FHIT: variants seen among roughly 807,000 people sequenced by gnomAD.
FHIT encodes bis(5'-adenosyl)-triphosphatase.
Under a neutral mutation model 17.9 loss-of-function variants are expected in FHIT, and 19 were observed. That is an observed-to-expected ratio of 1.06 (90% CI 0.74 to 1.56). The LOEUF (loss-of-function observed/expected upper bound fraction) is 1.56, where lower values mean the gene tolerates loss of function less well. FHIT is among the 40% of genes most tolerant of loss of function. The probability of loss-of-function intolerance (pLI) is 0.00; values close to 1 mark genes in which losing one functional copy is unlikely to be tolerated. For missense variants in FHIT, 248 were observed against 189.2 expected (o/e 1.31, Z -1.82); for synonymous variants, 81 against 69.7 (o/e 1.16, Z -0.81).
At chr3:60,770,977 C>A (rs1296626135) in intron 4 of FHIT, among the ~76,000 whole-genome samples, 1 of 152,200 alleles carries the variant, frequency 6.6e-6, no homozygotes, top group Non-Finnish European at 1.5e-5. Flanking sequence ...CATTCACAAC[C>A]TAACAGTTCT....
intron 5 of FHIT, among the ~76,000 whole-genome samples, chr3:60,197,916 T>G (rs1702719139): frequency 6.6e-6 from 1 of 152,100 alleles, no homozygotes; most frequent in Admixed American, 6.6e-5. Context: ...GACCACATTG[T>G]TGGAGGAAGA....
chr3:60,734,699 C>A (rs536352822), intron 4 of FHIT, among the ~76,000 whole-genome samples: 1 of 152,186 alleles, frequency 6.6e-6, no homozygotes, highest in South Asian at 2.1e-4. Context: ...TAGATAACTT[C>A]GAATGGGAAA....
chr3:59,799,667 C>A (rs2629891), intron 8 of FHIT, among the ~76,000 whole-genome samples: 1 of 151,748 alleles, frequency 6.6e-6, no homozygotes, highest in Non-Finnish European at 1.5e-5. Context: ...GAGAAGAGAC[C>A]CTTTCTTCCA....
At chr3:60,727,054 C>A (rs538997347) in intron 4 of FHIT, among the ~76,000 whole-genome samples, 1 of 152,254 alleles carries the variant, frequency 6.6e-6, no homozygotes, top group South Asian at 2.1e-4. Context: ...TGCATTTCCA[C>A]TGGGATTTTC....
chr3:60,026,160 C>T, intron 5 of FHIT, among the ~76,000 whole-genome samples: 1 of 152,158 alleles, frequency 6.6e-6, no homozygotes, highest in East Asian at 1.9e-4. Flanking sequence ...CAAAAAACTC[C>T]TGTCTACTCT....
intron 2 of FHIT, among the ~76,000 whole-genome samples, chr3:61,167,978 T>C (rs2037891485): frequency 6.6e-6 from 1 of 152,186 alleles, no homozygotes; most frequent in South Asian, 2.1e-4. Context: ...ATCCAGTAAC[T>C]ATATCCCATC....
chr3:60,533,548 G>T (rs1006140140), intron 5 of FHIT, among the ~76,000 whole-genome samples: 3 of 152,220 alleles, frequency 2.0e-5, no homozygotes, highest in African/African-American at 7.2e-5. Flanking sequence ...AGTACTGAAT[G>T]AATCAACATG....
intron 5 of FHIT, among the ~76,000 whole-genome samples, chr3:60,534,337 G>A (rs2107594317): frequency 6.7e-6 from 1 of 148,366 alleles, no homozygotes; most frequent in African/African-American, 2.5e-5. Context: ...GGAGGCTGAG[G>A]CAGGAGAATG....
chr3:60,156,996 CTTTA>C (rs1387142826), intron 5 of FHIT, among the ~76,000 whole-genome samples: 4 of 151,706 alleles, frequency 2.6e-5, no homozygotes, highest in African/African-American at 7.3e-5. Context: ...TAAGATATAT[CTTTA>C]TTTAAATAAC....
Position 59,976,807 on chromosome 3 carries a change from CCTT to C in FHIT, c.279+34561_279+34563del, listed in dbSNP as rs1708433366. The stretch of plus-strand genomic sequence containing the variant: ...GTCAAGTGAAATAATATCTCCTCCT[CCTT>C]CATCGTGCTCATAAACTTATACAAC... On this transcript the variant is annotated intron_variant, in intron 7 of 9. Coordinates refer to ENST00000492590, the MANE Select transcript of FHIT (RefSeq NM_002012.4). 1.3e-5 allele frequency among the ~76,000 whole-genome samples: 2 copies of C among 152,110 alleles called. 1 individual carries two copies. The highest frequency in any genetic ancestry group is 4.1e-4 in the South Asian group (2 of 4,828).
At chr3:61,061,770 AG>A in intron 2 of FHIT, among the ~76,000 whole-genome samples, 1 of 152,168 alleles carries the variant, frequency 6.6e-6, no homozygotes, top group Non-Finnish European at 1.5e-5. Context: ...GATAATTACA[AG>A]GTACACGTTA....
At chr3:60,071,744 T>C (rs1702780988) in intron 5 of FHIT, among the ~76,000 whole-genome samples, 1 of 152,176 alleles carries the variant, frequency 6.6e-6, no homozygotes, top group Non-Finnish European at 1.5e-5. Flanking sequence ...CCAAATCTCA[T>C]CTTGAATTGT....
At chr3:60,447,146 C>A (rs1018134067) in intron 5 of FHIT, among the ~76,000 whole-genome samples, 1 of 152,054 alleles carries the variant, frequency 6.6e-6, no homozygotes, top group Non-Finnish European at 1.5e-5. Context: ...CCCGGCTCAG[C>A]ACTCTATAGT....
chr3:60,579,542 A>G (rs1281083416), intron 4 of FHIT, among the ~76,000 whole-genome samples: 1 of 152,212 alleles, frequency 6.6e-6, no homozygotes, highest in Non-Finnish European at 1.5e-5. Flanking sequence ...AATGCTTAAC[A>G]TGAGTATGGT....
chr3:60,044,826 G>T (rs1012069073), intron 5 of FHIT, among the ~76,000 whole-genome samples: 1 of 152,104 alleles, frequency 6.6e-6, no homozygotes, highest in Non-Finnish European at 1.5e-5. Flanking sequence ...TTAAGGCAGT[G>T]CAAGAAACCT....
chr3:60,256,323 G>T (rs902740712), intron 5 of FHIT, among the ~76,000 whole-genome samples: 1 of 152,026 alleles, frequency 6.6e-6, no homozygotes, highest in Non-Finnish European at 1.5e-5. Context: ...TCAACCTCAA[G>T]CTCCCCAAAT....
intron 8 of FHIT, among the ~76,000 whole-genome samples, chr3:59,882,791 C>T (rs1245402563): frequency 6.6e-6 from 1 of 152,144 alleles, no homozygotes; most frequent in Non-Finnish European, 1.5e-5. Context: ...CTATATCAGC[C>T]TTGGTTTTGC....
rs925678580 is a variant in FHIT at position 60,487,975 on chromosome 3, G to C, written c.103+48885C>G. Among the ~76,000 whole-genome samples the C allele has an allele frequency of 2.6e-5, 4 of 152,144 alleles. No homozygotes were observed. The East Asian group carries it at 5.8e-4, about 22-fold the overall frequency. ...CCTGTTATAAATGCCAAGTATTAAA[G>C]GTTCTTTATTCAGCTATTTACAAGA... On this transcript the variant is annotated intron_variant, in intron 5 of 9. Coordinates refer to ENST00000492590, the MANE Select transcript of FHIT (RefSeq NM_002012.4).
At chr3:60,585,398 A>G (rs2037875232) in intron 4 of FHIT, among the ~76,000 whole-genome samples, 1 of 152,030 alleles carries the variant, frequency 6.6e-6, no homozygotes, top group Non-Finnish European at 1.5e-5. Context: ...TACATTGTAA[A>G]GCTGTAGTGG....
Sources: gnomAD v4.1 joint callset for allele counts (sites outside exome capture counted in the v4.1 genomes callset) on GRCh38, gnomAD v4.1.1 for gene constraint, MANE v1.5 for transcripts, NCBI Gene and HGNC (gene_info 2026-07-23, HGNC 2026-07-21) for gene names.